The following CPAMD8 variants were observed in gnomAD, a reference collection of about 807,000 sequenced individuals.
CPAMD8 encodes C3 and PZP like alpha-2-macroglobulin domain containing 8.
In CPAMD8, 146 loss-of-function variants were observed where a neutral mutation model predicts 224.7. That is an observed-to-expected ratio of 0.65 (90% CI 0.57 to 0.75). The LOEUF is 0.75. Among genes scored for constraint, CPAMD8 ranks in the 30% least tolerant of loss-of-function variants. CPAMD8 has a pLI of 0.00. For synonymous variants in CPAMD8, 966 were observed against 1,044.6 expected (o/e 0.92, Z 1.45); for missense variants, 2,301 against 2,537.5 (o/e 0.91, Z 2.00).
intron 7 of CPAMD8, among the ~76,000 whole-genome samples, chr19:17,006,531 G>GA (rs112672091): frequency 0.015 from 1,997 of 134,142 alleles, 21 homozygotes; most frequent in African/African-American, 0.036. Flanking sequence ...TGCCTCTTGA[G>GA]AAAAAAAAAA....
chr19:16,984,352 G>GAGAA (rs1555784029), intron 13 of CPAMD8, among the ~76,000 whole-genome samples: 2 of 142,190 alleles, frequency 1.4e-5, no homozygotes, highest in African/African-American at 2.7e-5. Flanking sequence ...GAGAGAGAGA[G>GAGAA]AATGAATTTG....
chr19:16,993,444 G>A lies in CPAMD8; in HGVS notation c.1238C>T (p.Pro413Leu), dbSNP rs557515835. ...CAGCCACACGTGCTGGGCTGACGTG[G>A]GGATGGAGGGGATTTCAAACCCCAC... ...GLVGFEIPSI[P>L]TSAQHVWLET... The change falls in exon 12 of 42, where the codon CCC (proline) becomes CTC (leucine). Residue 413 changes from proline to leucine, a missense_variant. Coordinates refer to ENST00000443236, the MANE Select transcript of CPAMD8 (RefSeq NM_015692.5). 2.9e-5 allele frequency: 46 copies of A among 1,613,712 alleles called. No homozygotes were observed. Among genetic ancestry groups the A allele is most frequent in the Non-Finnish European group, 3.6e-5 (42 of 1,179,766 alleles).
At chr19:16,896,100 G>A (rs756799921) in intron 41 of CPAMD8, 76 bp downstream of exon 41, 1 of 1,547,986 alleles carries the variant, frequency 6.5e-7, no homozygotes, top group Non-Finnish European at 8.9e-7. Flanking sequence ...AGGTCGTCGG[G>A]GGAGGTTGGT....
At chr19:16,904,885 T>G (rs2052410011) in intron 30 of CPAMD8, among the ~76,000 whole-genome samples, 1 of 152,212 alleles carries the variant, frequency 6.6e-6, no homozygotes, top group African/African-American at 2.4e-5. Context: ...CCTGACCAGG[T>G]ACTGATCCAG....
intron 27 of CPAMD8, among the ~76,000 whole-genome samples, chr19:16,918,012 T>C (rs978103258): frequency 1.3e-5 from 2 of 152,206 alleles, no homozygotes; most frequent in African/African-American, 4.8e-5. Flanking sequence ...ATTTTTATTT[T>C]TGAGACACAG....
chr19:16,933,514 G>C (rs954527730), intron 23 of CPAMD8, among the ~76,000 whole-genome samples: 2 of 152,050 alleles, frequency 1.3e-5, no homozygotes, highest in African/African-American at 2.4e-5. Context: ...ATTTTGAACA[G>C]GTTAAAAGAT....
intron 32 of CPAMD8, 31 bp downstream of exon 32, chr19:16,904,195 G>A (rs367754195): frequency 1.5e-5 from 7 of 474,566 alleles, no homozygotes; most frequent in South Asian, 4.1e-5. Flanking sequence ...ACCCAGCCCT[G>A]AGCCCCTCCC....
intron 13 of CPAMD8, among the ~76,000 whole-genome samples, chr19:16,988,895 T>A (rs984679850): frequency 3.9e-5 from 6 of 152,092 alleles, no homozygotes; most frequent in Non-Finnish European, 7.4e-5. Context: ...GAGCTCCACC[T>A]CCTGTCACAT....
rs1479703740 is a variant in CPAMD8, at chr19:16,897,545, C to T, written c.5065+146G>A. ...CCGCCTCCCCCGTACAGGCAGAGCG[C>T]CCGCCCACCTCTATGCTGCGTTCTC... is the stretch of plus-strand genomic sequence containing the variant. On this transcript the variant is annotated intron_variant, in intron 39 of 41. Transcript: ENST00000443236. 9 of 571,346 alleles carry T rather than the reference C, an allele frequency of 1.6e-5. No individual in the cohort carries two copies. The East Asian group carries it at 2.2e-4, about 14-fold the overall frequency. 35.4% of individuals were successfully genotyped at this position (571,346 alleles called of 1,614,324 possible). A position where few individuals can be genotyped will look rare whatever the true frequency, so the allele number is the denominator to read the frequency against.
At chr19:16,945,732 G>A (rs988671378) in intron 21 of CPAMD8, 53 bp from the exon 22 acceptor site, 1 of 1,565,272 alleles carries the variant, frequency 6.4e-7, no homozygotes, top group Non-Finnish European at 8.8e-7. Flanking sequence ...CAAGATGGGG[G>A]CTGTCCCATC....
In CPAMD8 at chr19:16,957,865, C is replaced by T. The variant is rs1453461454; in HGVS notation, c.2264G>A (p.Cys755Tyr). ...TFFPETWIWH[C>Y]LNISDPSGEG... is the part of the protein sequence containing the mutation. ...AATCTTAATGTACCTGATGTTGAGA[C>T]AATGCCAAATCCATGTTTCGGGGAA... The change falls in exon 19 of 42, where the codon TGT becomes TAT. Residue 755 changes from cysteine (C) to tyrosine (Y), a missense_variant. Coordinates refer to ENST00000443236, the MANE Select transcript of CPAMD8 (RefSeq NM_015692.5). The T allele has an allele frequency of 4.3e-6, 7 of 1,614,152 alleles. No individual in the cohort carries two copies. The South Asian group carries it at 6.6e-5, about 15-fold the overall frequency.
intron 8 of CPAMD8, 104 bp downstream of exon 8, chr19:17,004,169 G>A (rs937124410): frequency 1.4e-6 from 1 of 714,536 alleles, no homozygotes; most frequent in Non-Finnish European, 2.4e-6. Flanking sequence ...GCCTCCGAAA[G>A]TGCTGGGATT....
chr19:17,009,129 C>T, intron 6 of CPAMD8, 174 bp downstream of exon 6: 2 of 938,294 alleles, frequency 2.1e-6, no homozygotes, highest in Non-Finnish European at 3.2e-6. Flanking sequence ...GACACACACA[C>T]AGCCCATCCC....
At chr19:16,989,622 G>T (rs1295717952) in intron 13 of CPAMD8, 21 bp downstream of exon 13, 1 of 1,611,638 alleles carries the variant, frequency 6.2e-7, no homozygotes, top group Admixed American at 1.7e-5. Context: ...GCCCAGGAAG[G>T]GTAGCTCCTG....
chr19:16,930,657 G>C (rs1029211063), intron 23 of CPAMD8, among the ~76,000 whole-genome samples: 6 of 152,140 alleles, frequency 3.9e-5, no homozygotes, highest in Non-Finnish European at 5.9e-5. Context: ...AGCAGCTCTA[G>C]CCATGGGAGA....
intron 23 of CPAMD8, among the ~76,000 whole-genome samples, chr19:16,930,426 T>C (rs996438727): frequency 6.7e-6 from 1 of 148,488 alleles, no homozygotes; most frequent in Middle Eastern, 3.2e-3. Context: ...GGTACTTGCC[T>C]CCTTGACGAA....
intron 10 of CPAMD8, among the ~76,000 whole-genome samples, chr19:16,998,913 AAGC>A (rs765988667): frequency 6.6e-5 from 10 of 152,302 alleles, no homozygotes; most frequent in Non-Finnish European, 1.2e-4. Context: ...AATAGCCAAA[AAGC>A]AGAAACAACC....
In CPAMD8 at chr19:16,906,374, CTTTCTTTCTTTCT is replaced by C. The variant is rs1568459362; in HGVS notation, c.4027+565_4027+577del. Reference sequence around the variant, plus strand: ...TCTTTCTTTCTTTCTTTCTTTCTTTCTTTCTTTCTTTCTTTCTTTCTTTCTTTCTTTCTTTCCT... The same window carrying C: ...TCTTTCTTTCTTTCTTTCTTTCTTTCTTCTTTCTTTCTTTCTTTCTTTCCT... On this transcript the variant is annotated intron_variant, in intron 30 of 41. Coordinates refer to ENST00000443236, the MANE Select transcript of CPAMD8 (RefSeq NM_015692.5). 7.4e-3 allele frequency among the ~76,000 whole-genome samples: 692 copies of C among 93,668 alleles called. 16 individuals are homozygous for C. Among genetic ancestry groups the C allele is most frequent in the East Asian group, 0.027 (96 of 3,616 alleles). The allele number at this position is 93,668 out of a possible 152,430, so 61.4% of individuals were successfully genotyped here. A position where few individuals can be genotyped will look rare whatever the true frequency, so the allele number is the denominator to read the frequency against.
At chr19:16,932,700 C>T (rs143128349) in intron 23 of CPAMD8, among the ~76,000 whole-genome samples, 1 of 152,108 alleles carries the variant, frequency 6.6e-6, no homozygotes, top group African/African-American at 2.4e-5. Context: ...AAATGGGACA[C>T]TATAAAGTAA....
Sources: allele counts gnomAD v4.1 joint callset (sites outside exome capture counted in the v4.1 genomes callset), GRCh38; gene constraint gnomAD v4.1.1; transcripts MANE v1.5; gene names NCBI Gene and HGNC (gene_info 2026-07-23, HGNC 2026-07-21).